The following CYSTM1 variants were observed in gnomAD, a reference collection of about 807,000 sequenced individuals.
CYSTM1 encodes the protein cysteine-rich transmembrane module-containing protein 1.
CYSTM1 carries 4 observed loss-of-function variants against 13.1 expected under a neutral mutation model. That is an observed-to-expected ratio of 0.31 (90% CI 0.15 to 0.70). CYSTM1 has a LOEUF of 0.70. CYSTM1 is among the 30% of genes least tolerant of loss of function. CYSTM1 has a pLI of 0.72. For missense variants in CYSTM1, 96 were observed against 121.6 expected (o/e 0.79, Z 0.99); for synonymous variants, 36 against 42.7 (o/e 0.84, Z 0.62).
chr5:140,212,413 A>G (rs1320551471), intron 2 of CYSTM1, among the ~76,000 whole-genome samples: 2 of 152,174 alleles, frequency 1.3e-5, no homozygotes, highest in Non-Finnish European at 2.9e-5. Flanking sequence ...CAGCTGTATA[A>G]AAGCATGGCA....
intron 1 of CYSTM1, among the ~76,000 whole-genome samples, chr5:140,188,503 G>A (rs767134431): frequency 6.6e-6 from 1 of 152,200 alleles, no homozygotes; most frequent in Non-Finnish European, 1.5e-5. Flanking sequence ...CAGAAATACA[G>A]ACGAGTGGCT....
Position 140,194,517 on chromosome 5 carries a change from T to C in CYSTM1, c.52T>C (p.Tyr18His). ...TCCAGGCCCTGGTCCAACGGCCCCATACCCACCTTATCCACCACAACCAAT... is the reference window on the plus strand; with the variant it reads ...TCCAGGCCCTGGTCCAACGGCCCCACACCCACCTTATCCACCACAACCAAT... ...PYPGPGPTAP[Y>H]PPYPPQPMGP... Residue 18 changes from tyrosine to histidine, a missense_variant, in exon 2 of 3, where the codon TAC becomes CAC. By Grantham distance (83) the Tyr-to-His change is moderately conservative (BLOSUM62 2). Coordinates refer to ENST00000261811, the MANE Select transcript of CYSTM1 (RefSeq NM_032412.4). 6.2e-7 allele frequency: 1 copy of C among 1,613,162 alleles called. No homozygotes were observed. Among genetic ancestry groups the C allele is most frequent in the South Asian group, 1.1e-5 (1 of 90,946 alleles).
intron 2 of CYSTM1, among the ~76,000 whole-genome samples, chr5:140,223,046 G>C (rs1659317571): frequency 6.6e-6 from 1 of 152,182 alleles, no homozygotes; most frequent in Non-Finnish European, 1.5e-5. Context: ...CCTCAGTGCT[G>C]TATTCTTAAG....
At chr5:140,178,139 G>A (rs1439306602) in intron 1 of CYSTM1, among the ~76,000 whole-genome samples, 2 of 152,144 alleles carry the variant, frequency 1.3e-5, no homozygotes, top group Non-Finnish European at 2.9e-5. Flanking sequence ...AGGGGGACTG[G>A]GCTGAGGTGA....
chr5:140,179,768 C>T (rs1672930892), intron 1 of CYSTM1, among the ~76,000 whole-genome samples: 1 of 151,534 alleles, frequency 6.6e-6, no homozygotes, highest in Non-Finnish European at 1.5e-5. Flanking sequence ...TCAAACGATT[C>T]TCCTGCCTCA....
At chr5:140,189,758 CTT>C (rs774367384) in intron 1 of CYSTM1, among the ~76,000 whole-genome samples, 2 of 152,042 alleles carry the variant, frequency 1.3e-5, no homozygotes, top group Admixed American at 6.6e-5. Context: ...TTGTAAAAGT[CTT>C]TTGGTGGACT....
intron 2 of CYSTM1, among the ~76,000 whole-genome samples, chr5:140,199,043 A>G (rs1404822718): frequency 6.6e-6 from 1 of 152,010 alleles, no homozygotes; most frequent in Non-Finnish European, 1.5e-5. Flanking sequence ...ACTTATGAGT[A>G]AGAACATGTG....
chr5:140,222,557 G>A (rs1764504071), intron 2 of CYSTM1, among the ~76,000 whole-genome samples: 1 of 152,230 alleles, frequency 6.6e-6, no homozygotes, highest in South Asian at 2.1e-4. Flanking sequence ...TCAAACTACT[G>A]CATAACTAAA....
At chr5:140,217,708 C>T (rs1764445111) in intron 2 of CYSTM1, among the ~76,000 whole-genome samples, 1 of 152,132 alleles carries the variant, frequency 6.6e-6, no homozygotes, top group Non-Finnish European at 1.5e-5. Flanking sequence ...TCATATTTTT[C>T]CTTATCAGTG....
chr5:140,207,633 GCA>G (rs1455268021), intron 2 of CYSTM1, among the ~76,000 whole-genome samples: 1 of 152,142 alleles, frequency 6.6e-6, no homozygotes, highest in Non-Finnish European at 1.5e-5. Context: ...TTAAAGACCA[GCA>G]TTCCAAAAAA....
At chr5:140,236,120 C>T (rs1032560623) in intron 2 of CYSTM1, among the ~76,000 whole-genome samples, 34 of 152,138 alleles carry the variant, frequency 2.2e-4, no homozygotes, top group Non-Finnish European at 1.0e-4. Context: ...TTTTTATTTC[C>T]GTCTCTCACC....
chr5:140,193,476 G>T (rs1035339939), intron 1 of CYSTM1, among the ~76,000 whole-genome samples: 39 of 152,140 alleles, frequency 2.6e-4, no homozygotes, highest in Non-Finnish European at 5.4e-4. Context: ...TAGAGACGGG[G>T]TTTCACCATG....
At chr5:140,195,735 T>C (rs1260880614) in intron 2 of CYSTM1, among the ~76,000 whole-genome samples, 2 of 147,196 alleles carry the variant, frequency 1.4e-5, no homozygotes, top group Non-Finnish European at 3.0e-5. Flanking sequence ...CTGGCCAAGA[T>C]AGCTAATTCT....
intron 1 of CYSTM1, among the ~76,000 whole-genome samples, chr5:140,187,025 C>CTGAG (rs1309697443): frequency 6.6e-6 from 1 of 152,092 alleles, no homozygotes; most frequent in African/African-American, 2.4e-5. Flanking sequence ...GCCCTGGAGG[C>CTGAG]TGAGGCAGGA....
intron 1 of CYSTM1, among the ~76,000 whole-genome samples, chr5:140,185,718 T>TC (rs1414435666): frequency 6.6e-6 from 1 of 152,216 alleles, no homozygotes; most frequent in Non-Finnish European, 1.5e-5. Flanking sequence ...GCTATTGCTA[T>TC]CCCCCTGGGG....
intron 1 of CYSTM1, among the ~76,000 whole-genome samples, chr5:140,185,275 G>T (rs1764002709): frequency 1.3e-5 from 2 of 152,228 alleles, no homozygotes; most frequent in Admixed American, 6.5e-5. Flanking sequence ...TCAGCGAAAG[G>T]TCCCATATCT....
chr5:140,198,035 G>A (rs1764177050), intron 2 of CYSTM1, among the ~76,000 whole-genome samples: 1 of 152,184 alleles, frequency 6.6e-6, no homozygotes, highest in Non-Finnish European at 1.5e-5. Context: ...CATGTGATTG[G>A]AAGCAGCAAG....
At chr5:140,182,211 A>T (rs1763968367) in intron 1 of CYSTM1, among the ~76,000 whole-genome samples, 1 of 152,140 alleles carries the variant, frequency 6.6e-6, no homozygotes, top group African/African-American at 2.4e-5. Context: ...CACATATCCC[A>T]CCTGGGGCAA....
intron 1 of CYSTM1, among the ~76,000 whole-genome samples, chr5:140,193,764 A>G (rs972844178): frequency 4.6e-5 from 7 of 152,208 alleles, no homozygotes; most frequent in African/African-American, 1.7e-4. Flanking sequence ...GTAAACACAA[A>G]TAAATGTTCC....
Sources: gnomAD v4.1 joint callset for allele counts (sites outside exome capture counted in the v4.1 genomes callset) on GRCh38, gnomAD v4.1.1 for gene constraint, MANE v1.5 for transcripts, NCBI Gene and HGNC (gene_info 2026-07-23, HGNC 2026-07-21) for gene names.